The following BBOX1 variants were observed in gnomAD, a reference collection of about 807,000 sequenced individuals.
The protein encoded by BBOX1 is gamma-butyrobetaine hydroxylase 1, also known as gamma-butyrobetaine dioxygenase.
A neutral mutation model predicts 41.6 loss-of-function variants in BBOX1; 35 were observed. The observed-to-expected ratio is 0.84, with a 90% CI of 0.64 to 1.11. The LOEUF (loss-of-function observed/expected upper bound fraction) is 1.11, where lower values mean the gene tolerates loss of function less well. Ranked by LOEUF, BBOX1 falls within the 50% of genes most tolerant of loss-of-function variation. The pLI, the probability that BBOX1 is intolerant of heterozygous loss-of-function variation, is 0.00. For missense variants in BBOX1, 458 were observed against 460.6 expected, an observed-to-expected ratio of 0.99 and a Z score of 0.05; for synonymous variants, 163 against 154.7, an observed-to-expected ratio of 1.05 and a Z score of -0.40.
intron 4 of BBOX1, among the ~76,000 whole-genome samples, chr11:27,061,044 A>G (rs1317773494): frequency 2.6e-5 from 4 of 152,158 alleles, no homozygotes; most frequent in Non-Finnish European, 4.4e-5. Flanking sequence ...TGGTACTCAA[A>G]ATATTTTTCC....
intron 4 of BBOX1, among the ~76,000 whole-genome samples, chr11:27,091,445 C>T (rs1015410542): frequency 6.6e-6 from 1 of 151,844 alleles, no homozygotes; most frequent in Non-Finnish European, 1.5e-5. Context: ...CTGTATCAAA[C>T]CATCCTTCCT....
intron 4 of BBOX1, among the ~76,000 whole-genome samples, chr11:27,074,651 C>A (rs1243179095): frequency 7.9e-5 from 12 of 152,154 alleles, no homozygotes; most frequent in Admixed American, 7.9e-4. Flanking sequence ...AATTTCTAAG[C>A]AGCAAAGCAT....
chr11:27,090,094 G>A (rs942544174), intron 4 of BBOX1, among the ~76,000 whole-genome samples: 3 of 151,920 alleles, frequency 2.0e-5, no homozygotes, highest in African/African-American at 4.8e-5. Context: ...GTTTTCTTTT[G>A]GAAATAGTTT....
intron 5 of BBOX1, among the ~76,000 whole-genome samples, chr11:27,109,619 G>C (rs1234599897): frequency 6.6e-6 from 1 of 152,010 alleles, no homozygotes; most frequent in Admixed American, 6.6e-5. Context: ...AACATGATTA[G>C]AATAAATGAC....
chr11:27,100,240 C>A (rs943904231), intron 5 of BBOX1, among the ~76,000 whole-genome samples: 2 of 152,028 alleles, frequency 1.3e-5, no homozygotes, highest in African/African-American at 4.8e-5. Context: ...GTTTGAAATA[C>A]TTGTTACCAG....
At position 27,083,757 on chromosome 11, in the gene BBOX1, G is replaced by A. The variant is rs543470002; in HGVS notation, c.335-9411G>A. 2.5e-4 allele frequency among the ~76,000 whole-genome samples: 38 copies of A among 152,214 alleles called. No homozygotes were observed. In the South Asian group the frequency reaches 7.9e-3, roughly 32 times the overall value. ...CTTTTGCACCCTTTTTCCCCAACAA[G>A]AGAAGTGATCATATCTATCTTTATT... On this transcript the variant is annotated intron_variant, in intron 4 of 8. Transcript: ENST00000263182.
chr11:27,060,490 T>C (rs1387825328), intron 4 of BBOX1, among the ~76,000 whole-genome samples: 2 of 152,212 alleles, frequency 1.3e-5, no homozygotes, highest in East Asian at 1.9e-4. Context: ...CAGGCTAATA[T>C]ACCAGCCTTG....
At chr11:27,092,209 A>C (rs958352127) in intron 4 of BBOX1, among the ~76,000 whole-genome samples, 2 of 151,932 alleles carry the variant, frequency 1.3e-5, no homozygotes. Flanking sequence ...TTTTGTTTCT[A>C]TAAAATGACA....
At chr11:27,086,553 A>C (rs1858047091) in intron 4 of BBOX1, among the ~76,000 whole-genome samples, 1 of 152,162 alleles carries the variant, frequency 6.6e-6, no homozygotes, top group Admixed American at 6.5e-5. Context: ...ACTACTTTTC[A>C]CTGACAATGT....
chr11:27,112,294 A>G (rs1859099160), intron 5 of BBOX1, among the ~76,000 whole-genome samples: 1 of 151,992 alleles, frequency 6.6e-6, no homozygotes, highest in Non-Finnish European at 1.5e-5. Context: ...AAAATTGTAA[A>G]GAAAAGCAAG....
Position 27,117,245 on chromosome 11 carries a change from C to T in BBOX1, c.639+1688C>T, listed in dbSNP as rs998937791. 4.6e-5 allele frequency among the ~76,000 whole-genome samples: 7 copies of T among 152,028 alleles called. No homozygotes were observed. The South Asian group carries it at 6.2e-4, about 14-fold the overall frequency. Reference sequence around the variant, plus strand: ...AACAAAGGAGAATGGGCCAAAATCACAATTAGCCCAATTTTTTTTTCATTA... The same window carrying T: ...AACAAAGGAGAATGGGCCAAAATCATAATTAGCCCAATTTTTTTTTCATTA... On this transcript the variant is annotated intron_variant, in intron 6 of 8. Transcript: ENST00000263182.
In BBOX1 at chr11:27,055,553, T is replaced by C; in HGVS notation, c.123T>C (p.Ser41=). Residue 41 remains serine, a synonymous_variant, in exon 3 of 9, where the codon TCT becomes TCC. Transcript: ENST00000263182. ...GGTTGAGAGACAACTGTCCGTGCTC[T>C]GATTGCTACCTGGATTCTGCAAAAG... ...AVWLRDNCPC[S]DCYLDSAKAR... is the part of the protein sequence containing the mutation. The C allele has an allele frequency of 5.6e-6, 9 of 1,614,230 alleles. No individual in the cohort carries two copies. Among genetic ancestry groups the C allele is most frequent in the Non-Finnish European group, 5.9e-6 (7 of 1,180,040 alleles).
chr11:27,121,020 A>G (rs1328110614), intron 7 of BBOX1, among the ~76,000 whole-genome samples: 4 of 152,192 alleles, frequency 2.6e-5, no homozygotes, highest in Non-Finnish European at 5.9e-5. Context: ...TGCTTAAGAA[A>G]AAAAGGAAGA....
intron 4 of BBOX1, among the ~76,000 whole-genome samples, chr11:27,069,709 C>G (rs183803211): frequency 2.6e-5 from 4 of 152,128 alleles, no homozygotes. Flanking sequence ...TTGCTTTTAA[C>G]TTTTAAGTTA....
At chr11:27,093,522 G>A (rs1354396362) in intron 5 of BBOX1, among the ~76,000 whole-genome samples, 156 bp downstream of exon 5, 1 of 151,984 alleles carries the variant, frequency 6.6e-6, no homozygotes, top group Non-Finnish European at 1.5e-5. Context: ...GTATTTTGCT[G>A]AGAATGATAA....
intron 2 of BBOX1, among the ~76,000 whole-genome samples, chr11:27,043,760 G>A (rs545095497): frequency 1.3e-4 from 20 of 150,078 alleles, no homozygotes; most frequent in African/African-American, 4.3e-4. Context: ...ATGTCCCTGC[G>A]GAGGACATGA....
In BBOX1 at chr11:27,091,817, G is replaced by C. The variant is rs1858256508; in HGVS notation, c.335-1351G>C. 2.0e-5 allele frequency among the ~76,000 whole-genome samples: 3 copies of C among 151,996 alleles called. No homozygotes were observed. In the South Asian group the frequency reaches 6.2e-4, roughly 31 times the overall value. Reference sequence around the variant, plus strand: ...TTCAGTACTAACGAATATTAGCATAGTAAAAAATAATTAATGCAGCTCTAG... The same window carrying C: ...TTCAGTACTAACGAATATTAGCATACTAAAAAATAATTAATGCAGCTCTAG... On this transcript the variant is annotated intron_variant, in intron 4 of 8. Transcript: ENST00000263182.
intron 4 of BBOX1, among the ~76,000 whole-genome samples, chr11:27,071,335 T>C (rs1268225232): frequency 6.6e-6 from 1 of 151,644 alleles, no homozygotes; most frequent in African/African-American, 2.4e-5. Context: ...TGAGCCAAGA[T>C]TGTACCACTG....
intron 4 of BBOX1, among the ~76,000 whole-genome samples, chr11:27,061,354 GCT>G (rs1420110368): frequency 6.6e-6 from 1 of 152,136 alleles, no homozygotes; most frequent in Admixed American, 6.5e-5. Context: ...ATAAGAACTG[GCT>G]GCTATTTAGA....
Sources: allele counts gnomAD v4.1 joint callset (sites outside exome capture counted in the v4.1 genomes callset), GRCh38; gene constraint gnomAD v4.1.1; transcripts MANE v1.5; gene names NCBI Gene and HGNC (gene_info 2026-07-23, HGNC 2026-07-21).